The following ZNF547 variants were observed in gnomAD, a reference collection of about 807,000 sequenced individuals.
ZNF547 encodes zinc finger protein 547.
A neutral mutation model predicts 7.7 loss-of-function variants in ZNF547; 4 were observed. That is an observed-to-expected ratio of 0.52 (90% CI 0.26 to 1.20). The LOEUF (loss-of-function observed/expected upper bound fraction) is 1.20, where lower values mean the gene tolerates loss of function less well. ZNF547 is among the 50% of genes most tolerant of loss of function. The pLI, the probability that ZNF547 is intolerant of heterozygous loss-of-function variation, is 0.14. For synonymous variants in ZNF547, 166 were observed against 166.2 expected (o/e 1.00, Z 0.01); for missense variants, 449 against 485.8 (o/e 0.92, Z 0.71).
Position 57,378,820 on chromosome 19 carries a change from ACT to A in ZNF547, c.*638_*639del. ...TGAACTCTTTATCTTGTAAAATGAA[ACT>A]CTATAACCACCATTAAAAAAACAAC... On this transcript the variant is annotated 3_prime_UTR_variant, in exon 4 of 4. Coordinates refer to ENST00000282282, the MANE Select transcript of ZNF547 (RefSeq NM_173631.4). The A allele has an allele frequency of 2.4e-6, 1 of 421,010 alleles. No homozygotes were observed. The highest frequency in any genetic ancestry group is 4.7e-6 in the Non-Finnish European group (1 of 214,404). 26.1% of individuals were successfully genotyped at this position (421,010 alleles called of 1,614,324 possible).
intron 2 of ZNF547, among the ~76,000 whole-genome samples, chr19:57,369,518 A>G (rs934008538): frequency 6.6e-6 from 1 of 152,084 alleles, no homozygotes; most frequent in Non-Finnish European, 1.5e-5. Context: ...GAAGCCATGG[A>G]TTCAGTTTAG....
rs765666651 is a variant in ZNF547, at chr19:57,368,555, G to A, written c.-1G>A. The stretch of plus-strand genomic sequence containing the variant: ...CCCTCTTCCTTCAGGGTCCCCTGGC[G>A]ATGGCAGAAATGAACCCTGCACAGG... On this transcript the variant is annotated 5_prime_UTR_variant, in exon 2 of 4. Coordinates refer to ENST00000282282, the MANE Select transcript of ZNF547 (RefSeq NM_173631.4). 36 of 1,613,986 alleles carry A rather than the reference G, an allele frequency of 2.2e-5. No homozygotes were observed. In the East Asian group the frequency reaches 6.7e-4, roughly 30 times the overall value.
intron 1 of ZNF547, among the ~76,000 whole-genome samples, chr19:57,366,950 T>C (rs1265168055): frequency 1.3e-5 from 2 of 152,214 alleles, no homozygotes; most frequent in East Asian, 3.8e-4. Flanking sequence ...AGGCTAGGAA[T>C]AGTGATCTTG....
At chr19:57,375,929 G>A (rs1242880478) in intron 3 of ZNF547, among the ~76,000 whole-genome samples, 4 of 152,106 alleles carry the variant, frequency 2.6e-5, no homozygotes, top group East Asian at 1.9e-4. Context: ...TTGGGAGGCC[G>A]AGGAGGGCGG....
intron 1 of ZNF547, chr19:57,364,513 C>G: frequency 2.6e-6 from 1 of 390,712 alleles, no homozygotes; most frequent in South Asian, 2.5e-5. Flanking sequence ...GAGGCCAAGG[C>G]GAGCGGATCA....
In ZNF547 at chr19:57,378,024, C is replaced by G. The variant is rs377463546; in HGVS notation, c.1048C>G (p.Arg350Gly). Reference sequence around the variant, plus strand: ...ACACCAAAGAGTTCACACTGGAGAACGGCCTTATGAATGCAGTGAGTGTGG... The same window carrying G: ...ACACCAAAGAGTTCACACTGGAGAAGGGCCTTATGAATGCAGTGAGTGTGG... ...IQHQRVHTGE[R>G]PYECSECGKA... Residue 350 changes from arginine to glycine, a missense_variant, in exon 4 of 4, where the codon CGG (arginine) becomes GGG (glycine). Coordinates refer to ENST00000282282, the MANE Select transcript of ZNF547 (RefSeq NM_173631.4). 6.2e-7 allele frequency: 1 copy of G among 1,613,934 alleles called. No individual in the cohort carries two copies. Among genetic ancestry groups the G allele is most frequent in the East Asian group, 2.2e-5 (1 of 44,868 alleles).
intron 1 of ZNF547, among the ~76,000 whole-genome samples, chr19:57,367,694 G>T (rs555972737): frequency 6.6e-6 from 1 of 152,316 alleles, no homozygotes; most frequent in East Asian, 1.9e-4. Context: ...TGGAGACTAA[G>T]GTTTGAGATG....
At chr19:57,376,231 G>A (rs866097596) in intron 3 of ZNF547, among the ~76,000 whole-genome samples, 1 of 152,040 alleles carries the variant, frequency 6.6e-6, no homozygotes, top group Non-Finnish European at 1.5e-5. Flanking sequence ...TGGGGCAACC[G>A]TCCCCATGAT....
intron 3 of ZNF547, among the ~76,000 whole-genome samples, chr19:57,375,651 G>C (rs188512112): frequency 1.7e-5 from 2 of 118,182 alleles, no homozygotes; most frequent in Non-Finnish European, 3.4e-5. Context: ...GAAAGAATGA[G>C]AGTTTGTCTC....
At chr19:57,365,374 AAACTT>A (rs1204150362) in intron 1 of ZNF547, 4 of 714,792 alleles carry the variant, frequency 5.6e-6, no homozygotes, top group African/African-American at 5.4e-5. Flanking sequence ...CAGCTTATCT[AAACTT>A]AATGAAATTT....
intron 3 of ZNF547, among the ~76,000 whole-genome samples, chr19:57,372,506 A>T (rs1458004210): frequency 6.6e-6 from 1 of 152,176 alleles, no homozygotes; most frequent in African/African-American, 2.4e-5. Flanking sequence ...TTACTCCCTG[A>T]AGGGCTGTAG....
In ZNF547 at chr19:57,377,491, C is replaced by T; in HGVS notation, c.515C>T (p.Ser172Phe). Residue 172 changes from serine to phenylalanine, a missense_variant, in exon 4 of 4, where the codon TCT (serine) becomes TTT (phenylalanine). Ser to Phe is a radical substitution (Grantham distance 155, BLOSUM62 -2). Transcript: ENST00000282282. Reference sequence around the variant, plus strand: ...GCCTTTAGCCACAAACATAAACTTTCTGACCATCAGAAAATCCACACTGGA... The same window carrying T: ...GCCTTTAGCCACAAACATAAACTTTTTGACCATCAGAAAATCCACACTGGA... ...GKAFSHKHKLSDHQKIHTGER... is the reference protein window; with the variant it reads ...GKAFSHKHKLFDHQKIHTGER... 6.2e-7 allele frequency: 1 copy of T among 1,613,966 alleles called. No homozygotes were observed. Among genetic ancestry groups the T allele is most frequent in the Non-Finnish European group, 8.5e-7 (1 of 1,180,006 alleles).
At chr19:57,372,419 A>T (rs2088512172) in intron 3 of ZNF547, among the ~76,000 whole-genome samples, 1 of 152,124 alleles carries the variant, frequency 6.6e-6, no homozygotes, top group South Asian at 2.1e-4. Flanking sequence ...TCTTTCCCCT[A>T]GGACTGGTCT....
In ZNF547 at chr19:57,377,531, G is replaced by T; in HGVS notation, c.555G>T (p.Lys185Asn). 1 of 1,614,148 alleles carries T rather than the reference G, an allele frequency of 6.2e-7. No homozygotes were observed. Among genetic ancestry groups the T allele is most frequent in the Non-Finnish European group, 8.5e-7 (1 of 1,180,040 alleles). Residue 185 changes from lysine (K) to asparagine (N), a missense_variant, in exon 4 of 4, where the codon AAG becomes AAT. Transcript: ENST00000282282. ...QKIHTGERTYKCSKCGILFME... is the reference protein window; with the variant it reads ...QKIHTGERTYNCSKCGILFME... ...TCCACACTGGAGAAAGAACTTATAA[G>T]TGCAGCAAATGTGGGATATTGTTTA...
At position 57,364,540 on chromosome 19, in the gene ZNF547, A is replaced by G. The variant is rs568508757; in HGVS notation, c.-13+837A>G. 8.5e-4 allele frequency: 383 copies of G among 451,202 alleles called. 2 individuals are homozygous for G. Among genetic ancestry groups the G allele is most frequent in the Non-Finnish European group, 1.3e-3 (317 of 245,444 alleles). The allele number at this position is 451,202 out of a possible 1,614,324, so 27.9% of individuals were successfully genotyped here. On this transcript the variant is annotated intron_variant, in intron 1 of 3. Transcript: ENST00000282282. ...AGCGGATCACAAGGTCAGGCGTTCA[A>G]GACCAGCCTGACCAACATGGTGAAA...
chr19:57,374,760 A>T (rs1308322564), intron 3 of ZNF547, among the ~76,000 whole-genome samples: 2 of 152,160 alleles, frequency 1.3e-5, no homozygotes, highest in Admixed American at 6.5e-5. Context: ...AAAGCATAGC[A>T]AGAGTCACCT....
intron 2 of ZNF547, among the ~76,000 whole-genome samples, chr19:57,369,769 G>A (rs968216128): frequency 2.6e-5 from 4 of 151,872 alleles, no homozygotes; most frequent in Admixed American, 1.3e-4. Context: ...GGGTGAGGTC[G>A]GAGAGTTGCT....
chr19:57,366,822 C>T (rs1339555213), intron 1 of ZNF547, among the ~76,000 whole-genome samples: 4 of 152,152 alleles, frequency 2.6e-5, no homozygotes, highest in Non-Finnish European at 5.9e-5. Context: ...ATAGCACATA[C>T]GTGGACGTTA....
chr19:57,377,653 A>G lies in ZNF547; in HGVS notation c.677A>G (p.His226Arg). The G allele has an allele frequency of 6.2e-7, 1 of 1,612,780 alleles. No individual in the cohort carries two copies. The highest frequency in any genetic ancestry group is 1.1e-5 in the South Asian group (1 of 91,004). The part of the protein sequence containing the change: ...ECGKAFLCKS[H>R]LVRHQTIHSG... ...GGGAAAGCCTTTCTTTGTAAGTCTC[A>G]CCTTGTTCGTCACCAGACAATCCAC... The change falls in exon 4 of 4, where the codon CAC (histidine) becomes CGC (arginine). Residue 226 changes from histidine to arginine, a missense_variant. His to Arg is a conservative substitution (Grantham distance 29, BLOSUM62 0). Transcript: ENST00000282282.
Sources: allele counts gnomAD v4.1 joint callset (sites outside exome capture counted in the v4.1 genomes callset), GRCh38; gene constraint gnomAD v4.1.1; transcripts MANE v1.5; gene names NCBI Gene and HGNC (gene_info 2026-07-23, HGNC 2026-07-21).